Variants in MYT1L observed in about 807,000 individuals in gnomAD.
The protein encoded by MYT1L is myelin transcription factor 1 like.
MYT1L carries 12 observed loss-of-function variants against 126.7 expected under a neutral mutation model. That is an observed-to-expected ratio of 0.09 (90% confidence interval 0.06 to 0.15). The LOEUF (loss-of-function observed/expected upper bound fraction) is 0.15, where lower values mean the gene tolerates loss of function less well. Among genes scored for constraint, MYT1L ranks in the 10% least tolerant of loss-of-function variants. The probability of loss-of-function intolerance (pLI) is 1.00; values close to 1 mark genes in which losing one functional copy is unlikely to be tolerated. For synonymous variants in MYT1L, 541 were observed against 604.2 expected, an observed-to-expected ratio of 0.90 and a Z score of 1.53; for missense variants, 979 against 1,585.2, an observed-to-expected ratio of 0.62 and a Z score of 6.49.
chr2:2,247,610 G>A (rs906547588), intron 2 of MYT1L, among the ~76,000 whole-genome samples: 2 of 152,088 alleles, frequency 1.3e-5, no homozygotes, highest in South Asian at 4.1e-4. Flanking sequence ...CATTCTCAAG[G>A]ACAGATCATA....
chr2:2,277,751 A>T (rs1309504369), intron 2 of MYT1L, among the ~76,000 whole-genome samples: 1 of 152,232 alleles, frequency 6.6e-6, no homozygotes, highest in Non-Finnish European at 1.5e-5. Context: ...AATTGTAATT[A>T]TAGAAAAAAA....
intron 3 of MYT1L, among the ~76,000 whole-genome samples, chr2:2,076,245 G>A (rs539663662): frequency 1.3e-5 from 2 of 152,244 alleles, no homozygotes; most frequent in East Asian, 1.9e-4. Context: ...CTGTGTGCAT[G>A]TCCAGGAAAG....
chr2:2,031,175 T>C (rs897477746), intron 4 of MYT1L, among the ~76,000 whole-genome samples: 2 of 152,252 alleles, frequency 1.3e-5, no homozygotes, highest in Non-Finnish European at 2.9e-5. Context: ...TCAGGGCACC[T>C]TGGATGCTCA....
intron 2 of MYT1L, among the ~76,000 whole-genome samples, chr2:2,234,214 T>C (rs1192277131): frequency 1.3e-5 from 2 of 152,246 alleles, no homozygotes; most frequent in Admixed American, 6.5e-5. Context: ...AATTCATACA[T>C]GTTGCCCTTT....
chr2:2,218,287 T>G (rs1377747594), intron 2 of MYT1L, among the ~76,000 whole-genome samples: 2 of 152,100 alleles, frequency 1.3e-5, no homozygotes, highest in Non-Finnish European at 2.9e-5. Flanking sequence ...CAACTTAATT[T>G]GAAAAAGCCA....
intron 21 of MYT1L, among the ~76,000 whole-genome samples, chr2:1,818,995 C>G (rs1304244488): frequency 6.6e-6 from 1 of 152,092 alleles, no homozygotes; most frequent in African/African-American, 2.4e-5. Context: ...CCCAGATGGC[C>G]CCCAGCTCCC....
At chr2:2,069,855 C>T (rs1185565788) in intron 3 of MYT1L, among the ~76,000 whole-genome samples, 1 of 145,792 alleles carries the variant, frequency 6.9e-6, no homozygotes, top group Admixed American at 6.8e-5. Flanking sequence ...TGTTTGTTGG[C>T]TGCATAAATG....
At chr2:2,018,783 G>A (rs948652665) in intron 4 of MYT1L, among the ~76,000 whole-genome samples, 3 of 152,150 alleles carry the variant, frequency 2.0e-5, no homozygotes, top group African/African-American at 7.2e-5. Context: ...TGAGCCCAAT[G>A]TTTGTATAGG....
At chr2:2,143,634 G>C (rs746356988) in intron 3 of MYT1L, among the ~76,000 whole-genome samples, 3 of 152,146 alleles carry the variant, frequency 2.0e-5, no homozygotes, top group Non-Finnish European at 4.4e-5. Context: ...GGTCATTTGG[G>C]AGGCCCAGGT....
At chr2:1,983,698 C>T (rs1462734231) in intron 5 of MYT1L, among the ~76,000 whole-genome samples, 1 of 152,224 alleles carries the variant, frequency 6.6e-6, no homozygotes, top group Non-Finnish European at 1.5e-5. Flanking sequence ...TTGGCAGCCT[C>T]AGGCGTTTAA....
intron 23 of MYT1L, among the ~76,000 whole-genome samples, chr2:1,794,341 A>G (rs1159365691): frequency 6.6e-6 from 1 of 152,246 alleles, no homozygotes; most frequent in African/African-American, 2.4e-5. Flanking sequence ...GCTTCTGGCT[A>G]TTCCACTATC....
chr2:2,244,722 T>G (rs1376250070), intron 2 of MYT1L, among the ~76,000 whole-genome samples: 3 of 152,224 alleles, frequency 2.0e-5, no homozygotes, highest in Non-Finnish European at 2.9e-5. Context: ...CAGACTGACT[T>G]GATAAGATGT....
chr2:2,302,588 G>A (rs1367464569), intron 1 of MYT1L, among the ~76,000 whole-genome samples: 2 of 152,170 alleles, frequency 1.3e-5, no homozygotes, highest in Non-Finnish European at 2.9e-5. Context: ...TGTGGCGGAT[G>A]TCTGCTTACA....
rs537055906 is a variant in MYT1L at position 1,917,808 on chromosome 2, C to T, written c.1484-469G>A. ...TTATTGAGTGCTCTGATCGCATACACTAGAAGCTGCAGGATTTTACTGACA... is the reference window on the plus strand; with the variant it reads ...TTATTGAGTGCTCTGATCGCATACATTAGAAGCTGCAGGATTTTACTGACA... On this transcript the variant is annotated intron_variant, in intron 10 of 24. Coordinates refer to ENST00000647738, the MANE Select transcript of MYT1L (RefSeq NM_001303052.2). This position sits in a 1 kb window ranked among gnomAD's most constrained non-coding sequence, Gnocchi z 5.9. Among the ~76,000 whole-genome samples the T allele has an allele frequency of 3.3e-5, 5 of 152,214 alleles. No homozygotes were observed. In the South Asian group the frequency reaches 1.0e-3, roughly 31 times the overall value.
chr2:2,076,910 T>C (rs1204306713), intron 3 of MYT1L, among the ~76,000 whole-genome samples: 1 of 152,094 alleles, frequency 6.6e-6, no homozygotes. Context: ...TATAAATACA[T>C]TTAAATAACT....
Position 2,059,933 on chromosome 2 carries a change from G to A in MYT1L, c.-303-5810C>T, listed in dbSNP as rs913490421. Among the ~76,000 whole-genome samples, 15 of 152,170 alleles carry A rather than the reference G, an allele frequency of 9.9e-5. No individual in the cohort carries two copies. Among genetic ancestry groups the A allele is most frequent in the Admixed American group, 5.9e-4 (9 of 15,272 alleles). On this transcript the variant is annotated intron_variant, in intron 3 of 24. Transcript: ENST00000647738. The surrounding 1 kb of genome is among the most constrained non-coding windows in gnomAD (Gnocchi z 4.7). Reference sequence around the variant, plus strand: ...TGCTGTAACTGTAGATCTCCTAAGCGGCACCCCAACCCCACCACGAGCTCG... The same window carrying A: ...TGCTGTAACTGTAGATCTCCTAAGCAGCACCCCAACCCCACCACGAGCTCG...
intron 1 of MYT1L, among the ~76,000 whole-genome samples, chr2:2,313,554 A>G (rs999663473): frequency 5.3e-5 from 8 of 152,130 alleles, no homozygotes; most frequent in African/African-American, 1.9e-4. Context: ...GGAGGAAGAT[A>G]GAACATTTCT....
chr2:1,892,272 T>C lies in MYT1L; in HGVS notation c.2048A>G (p.Lys683Arg). 1.3e-6 allele frequency: 2 copies of C among 1,548,848 alleles called. No homozygotes were observed. The highest frequency in any genetic ancestry group is 2.4e-5 in the South Asian group (2 of 83,908). Residue 683 changes from lysine to arginine, a missense_variant, in exon 15 of 25, where the codon AAG (lysine) becomes AGG (arginine). Physicochemically the swap from Lys to Arg is conservative, Grantham distance 26. Transcript: ENST00000647738. Reference protein sequence around the residue: ...KGYDDAKRYCKDPSPSSSSTS... With the variant: ...KGYDDAKRYCRDPSPSSSSTS... ...GCTGCTGCTGCTGGGGCTGGGGTCC[T>C]TGCAGTACCGCTTCGCTGGGGAGAC...
At chr2:2,294,918 A>G (rs2095649376) in intron 1 of MYT1L, among the ~76,000 whole-genome samples, 1 of 152,228 alleles carries the variant, frequency 6.6e-6, no homozygotes, top group South Asian at 2.1e-4. Context: ...ATCAATGTGC[A>G]TAAATGAGAT....
Sources: allele counts gnomAD v4.1 joint callset (sites outside exome capture counted in the v4.1 genomes callset), GRCh38; gene constraint gnomAD v4.1.1; non-coding constraint Gnocchi (gnomAD v3.1); transcripts MANE v1.5; gene names NCBI Gene and HGNC (gene_info 2026-07-23, HGNC 2026-07-21).